The following WASHC5 variants were observed in gnomAD, a reference collection of about 807,000 sequenced individuals.
WASHC5 encodes WASH complex subunit strumpellin.
Under a neutral mutation model 150.4 loss-of-function variants are expected in WASHC5, and 101 were observed. The ratio of observed to expected loss-of-function variants is 0.67; its 90% CI spans 0.57 to 0.79. The LOEUF (loss-of-function observed/expected upper bound fraction) is 0.79. Ranked by LOEUF, WASHC5 falls within the 30% of genes least tolerant of loss-of-function variation. WASHC5 has a pLI of 0.00. For synonymous variants in WASHC5, 467 were observed against 491.2 expected (o/e 0.95, Z 0.65); for missense variants, 1,195 against 1,396.3 (o/e 0.86, Z 2.30).
chr8:125,059,747 T>C (rs1290592005), intron 12 of WASHC5, among the ~76,000 whole-genome samples: 1 of 152,246 alleles, frequency 6.6e-6, no homozygotes, highest in African/African-American at 2.4e-5. Flanking sequence ...CCGCTGCTTA[T>C]TGTGTATATC....
At chr8:125,026,679 T>A (rs1400461231) in intron 28 of WASHC5, among the ~76,000 whole-genome samples, 2 of 152,200 alleles carry the variant, frequency 1.3e-5, no homozygotes. Flanking sequence ...TAATTTGAGA[T>A]GCTACTTTTC....
At position 125,024,517 on chromosome 8, in the gene WASHC5, C is replaced by G; in HGVS notation, c.*100G>C. ...TTTCCCATAATAGACAGAAAAAATG[C>G]AGTTGTATGAGCAACTGAGTTTCTT... On this transcript the variant is annotated 3_prime_UTR_variant, in exon 29 of 29. Transcript: ENST00000318410. 1 of 863,546 alleles carries G rather than the reference C, an allele frequency of 1.2e-6. No homozygotes were observed. Among genetic ancestry groups the G allele is most frequent in the Non-Finnish European group, 2.0e-6 (1 of 501,574 alleles). The allele number at this position is 863,546 out of a possible 1,614,324, so 53.5% of individuals were successfully genotyped here.
chr8:125,089,864 TA>T (rs1817544858), intron 1 of WASHC5, among the ~76,000 whole-genome samples: 1 of 152,218 alleles, frequency 6.6e-6, no homozygotes, highest in African/African-American at 2.4e-5. Context: ...TCGGCAATAG[TA>T]AAACAAATAT....
chr8:125,058,866 A>T (rs1476469895), intron 14 of WASHC5, among the ~76,000 whole-genome samples: 1 of 152,200 alleles, frequency 6.6e-6, no homozygotes, highest in Non-Finnish European at 1.5e-5. Context: ...TTTGTAGCAG[A>T]GGCTCAGTAA....
chr8:125,033,425 C>T (rs1415288860), intron 26 of WASHC5, among the ~76,000 whole-genome samples: 1 of 152,152 alleles, frequency 6.6e-6, no homozygotes, highest in Non-Finnish European at 1.5e-5. Context: ...AACCTTGACC[C>T]CTATCTCATA....
chr8:125,073,414 C>T (rs1373972266), intron 8 of WASHC5, 90 bp from the exon 9 acceptor site: 1 of 1,071,488 alleles, frequency 9.3e-7, no homozygotes, highest in African/African-American at 1.6e-5. Flanking sequence ...CAAATAGTAA[C>T]ATTTCTATAT....
chr8:125,083,300 C>CTTGTTGGTGA, intron 2 of WASHC5, 42 bp from the exon 3 acceptor site: 1 of 1,581,956 alleles, frequency 6.3e-7, no homozygotes, highest in East Asian at 2.2e-5. Context: ...TAAAAGCATA[C>CTTGTTGGTGA]TTGTTGGTGA....
intron 23 of WASHC5, among the ~76,000 whole-genome samples, chr8:125,041,708 T>C (rs1235143201): frequency 6.6e-6 from 1 of 152,170 alleles, no homozygotes; most frequent in Non-Finnish European, 1.5e-5. Context: ...ATGGAGCTTG[T>C]AATGGTCAAA....
At chr8:125,028,007 C>G (rs1815419800) in intron 28 of WASHC5, among the ~76,000 whole-genome samples, 1 of 152,152 alleles carries the variant, frequency 6.6e-6, no homozygotes. Context: ...ATCTTTGGCT[C>G]ATGTTGTAAG....
chr8:125,061,629 A>G (rs1353227666), intron 11 of WASHC5, among the ~76,000 whole-genome samples: 1 of 151,462 alleles, frequency 6.6e-6, no homozygotes, highest in Non-Finnish European at 1.5e-5. Flanking sequence ...TGACAAGAGC[A>G]TATCTTGGAG....
intron 15 of WASHC5, 150 bp downstream of exon 15, chr8:125,057,406 A>C: frequency 3.0e-6 from 2 of 666,728 alleles, no homozygotes; most frequent in African/African-American, 3.6e-5. Context: ...AATAAGGGTA[A>C]GTTTATTTTT....
At chr8:125,053,052 A>G (rs147303448) in intron 17 of WASHC5, among the ~76,000 whole-genome samples, 154 of 151,796 alleles carry the variant, frequency 1.0e-3, no homozygotes, top group African/African-American at 3.5e-3. Flanking sequence ...GAAAAACAGT[A>G]TGGGTATCAT....
intron 28 of WASHC5, among the ~76,000 whole-genome samples, chr8:125,025,473 A>T (rs1815351982): frequency 6.6e-6 from 1 of 152,002 alleles, no homozygotes; most frequent in African/African-American, 2.4e-5. Flanking sequence ...GTGGATCATG[A>T]GGTCAGGAGT....
intron 17 of WASHC5, among the ~76,000 whole-genome samples, chr8:125,053,545 C>T (rs908506172): frequency 4.6e-5 from 7 of 152,250 alleles, no homozygotes; most frequent in Admixed American, 2.0e-4. Context: ...ACATTCTCTA[C>T]ACATCAATTG....
intron 10 of WASHC5, among the ~76,000 whole-genome samples, chr8:125,065,096 T>C (rs559814734): frequency 6.6e-6 from 1 of 152,118 alleles, no homozygotes; most frequent in African/African-American, 2.4e-5. Flanking sequence ...AGGTTTCACA[T>C]CTCACAGGAT....
intron 27 of WASHC5, among the ~76,000 whole-genome samples, chr8:125,029,052 A>C (rs1470825500): frequency 6.3e-5 from 9 of 142,112 alleles, no homozygotes; most frequent in Non-Finnish European, 1.2e-4. Flanking sequence ...TTTTTTTGCG[A>C]CAGACTTTTC....
At chr8:125,067,740 A>T in intron 9 of WASHC5, 21 bp from the exon 10 acceptor site, 1 of 1,611,876 alleles carries the variant, frequency 6.2e-7, no homozygotes. Flanking sequence ...GAAAAGTGTT[A>T]CCTGCTTACT....
At chr8:125,036,089 T>A (rs1051307396) in intron 26 of WASHC5, among the ~76,000 whole-genome samples, 12 of 152,234 alleles carry the variant, frequency 7.9e-5, no homozygotes, top group Non-Finnish European at 1.2e-4. Flanking sequence ...TGTCTCTTGT[T>A]TGTACAGAAT....
intron 10 of WASHC5, among the ~76,000 whole-genome samples, chr8:125,065,764 G>A (rs971176802): frequency 2.0e-5 from 3 of 151,998 alleles, no homozygotes; most frequent in Non-Finnish European, 2.9e-5. Flanking sequence ...ATACAGGCAC[G>A]CGCCACTGCA....
Sources: allele counts gnomAD v4.1 joint callset (sites outside exome capture counted in the v4.1 genomes callset), GRCh38; gene constraint gnomAD v4.1.1; transcripts MANE v1.5; gene names NCBI Gene and HGNC (gene_info 2026-07-23, HGNC 2026-07-21).